Variants in CORIN observed in about 807,000 individuals in gnomAD.
CORIN encodes atrial natriuretic peptide-converting enzyme.
In CORIN, 117 loss-of-function variants were observed where a neutral mutation model predicts 125.3. The ratio of observed to expected loss-of-function variants is 0.93; its 90% CI spans 0.80 to 1.09. The LOEUF (loss-of-function observed/expected upper bound fraction) is 1.09. Among genes scored for constraint, CORIN ranks in the 50% least tolerant of loss-of-function variants. The probability of loss-of-function intolerance (pLI) is 0.00; values close to 1 mark genes in which losing one functional copy is unlikely to be tolerated. For synonymous variants in CORIN, 450 were observed against 466.4 expected (o/e 0.96, Z 0.45); for missense variants, 1,253 against 1,306.7 (o/e 0.96, Z 0.63).
At chr4:47,730,740 T>C (rs547866147) in intron 5 of CORIN, among the ~76,000 whole-genome samples, 1 of 152,350 alleles carries the variant, frequency 6.6e-6, no homozygotes, top group East Asian at 1.9e-4. Flanking sequence ...TCTCCCGCAG[T>C]TGTGCAATGC....
At chr4:47,799,916 T>C (rs1339011758) in intron 2 of CORIN, among the ~76,000 whole-genome samples, 1 of 152,090 alleles carries the variant, frequency 6.6e-6, no homozygotes, top group Non-Finnish European at 1.5e-5. Flanking sequence ...TGTTCAGCCA[T>C]TAAAAGGAAT....
In CORIN at chr4:47,744,508, A is replaced by G; in HGVS notation, c.693T>C (p.Asn231=). The change falls in exon 5 of 22, where the codon AAT becomes AAC. Residue 231 remains asparagine, a synonymous_variant. Coordinates refer to ENST00000273857, the MANE Select transcript of CORIN (RefSeq NM_006587.4). ...EGCESVLGMV[N]YSWPDFLRCS... ...ATCTGAGGAAATCCGGCCAGGAGTA[A>G]TTCACCATCCCCAGGACTGATTCAC... 1 of 1,614,054 alleles carries G rather than the reference A, an allele frequency of 6.2e-7. No homozygotes were observed. The highest frequency in any genetic ancestry group is 8.5e-7 in the Non-Finnish European group (1 of 1,179,986).
intron 1 of CORIN, among the ~76,000 whole-genome samples, chr4:47,814,153 A>G (rs1253837208): frequency 1.3e-5 from 2 of 152,170 alleles, no homozygotes; most frequent in Non-Finnish European, 2.9e-5. Context: ...CCATTTCAGC[A>G]AAGCAAGGAC....
Position 47,641,911 on chromosome 4 carries a change from T to C in CORIN, c.2198+9A>G, listed in dbSNP as rs760792402. The C allele has an allele frequency of 3.7e-6, 6 of 1,612,334 alleles. No individual in the cohort carries two copies. Among genetic ancestry groups the C allele is most frequent in the Non-Finnish European group, 4.2e-6 (5 of 1,178,990 alleles). Reference sequence around the variant, plus strand: ...GAAATTCATCAGTGCTACAAACTACTGACCTTACCCTAAACCCATCTGCTT... The same window carrying C: ...GAAATTCATCAGTGCTACAAACTACCGACCTTACCCTAAACCCATCTGCTT... On this transcript the variant is annotated intron_variant, in intron 16 of 21. Transcript: ENST00000273857.
Position 47,631,592 on chromosome 4 carries a change from T to C in CORIN, c.2199-5071A>G, listed in dbSNP as rs192303805. Among the ~76,000 whole-genome samples, 74 of 152,272 alleles carry C rather than the reference T, an allele frequency of 4.9e-4. 1 individual carries two copies. The highest frequency in any genetic ancestry group is 8.3e-4 in the South Asian group (4 of 4,828). ...TGAGTAGTATAATGATTTCATTATATATTATAATGTAATAATAATAGAAAT... is the reference window on the plus strand; with the variant it reads ...TGAGTAGTATAATGATTTCATTATACATTATAATGTAATAATAATAGAAAT... On this transcript the variant is annotated intron_variant, in intron 16 of 21. Transcript: ENST00000273857.
chr4:47,757,411 T>C (rs2109859129), intron 4 of CORIN, among the ~76,000 whole-genome samples: 1 of 152,118 alleles, frequency 6.6e-6, no homozygotes, highest in African/African-American at 2.4e-5. Context: ...CTGGCCAATA[T>C]GGTGAAACCC....
In CORIN at chr4:47,626,993, GTT is replaced by G. The variant is rs200009610; in HGVS notation, c.2199-474_2199-473del. On this transcript the variant is annotated intron_variant, in intron 16 of 21. Coordinates refer to ENST00000273857, the MANE Select transcript of CORIN (RefSeq NM_006587.4). ...GTAGGTTGTTGTTGTTGTTGTTGTT[GTT>G]TTTTTTTTGATGAAGTCTTGCTCTG... Among the ~76,000 whole-genome samples, 91 of 126,054 alleles carry G rather than the reference GTT, an allele frequency of 7.2e-4. 2 individuals carry two copies. The highest frequency in any genetic ancestry group is 1.6e-3 in the South Asian group (6 of 3,834). 82.7% of individuals were successfully genotyped at this position (126,054 alleles called of 152,430 possible).
rs1182754633 is a variant in CORIN, at chr4:47,831,056, G to T, written c.63+6831C>A. Among the ~76,000 whole-genome samples, 3 of 152,198 alleles carry T rather than the reference G, an allele frequency of 2.0e-5. No homozygotes were observed. In the East Asian group the frequency reaches 5.8e-4, roughly 29 times the overall value. ...TTCTGCCCTGCTCCTAAGCCAGCCT[G>T]TTGGCCGACTGGCCCTTCTCCACAG... On this transcript the variant is annotated intron_variant, in intron 1 of 21. Transcript: ENST00000273857.
intron 12 of CORIN, among the ~76,000 whole-genome samples, chr4:47,655,385 T>G (rs570509531): frequency 2.6e-5 from 4 of 152,108 alleles, no homozygotes; most frequent in Non-Finnish European, 5.9e-5. Context: ...GGTCTCTAAT[T>G]CTAAGCCCTG....
At chr4:47,728,832 A>G (rs1727720070) in intron 5 of CORIN, among the ~76,000 whole-genome samples, 1 of 152,206 alleles carries the variant, frequency 6.6e-6, no homozygotes, top group Non-Finnish European at 1.5e-5. Flanking sequence ...GGATCAACCT[A>G]TGATCTTGAG....
chr4:47,787,053 G>A (rs1730849095), intron 2 of CORIN, 128 bp from the exon 3 acceptor site: 2 of 696,390 alleles, frequency 2.9e-6, no homozygotes, highest in Admixed American at 5.9e-5. Flanking sequence ...TAAACACAAA[G>A]ACGAAGATGA....
intron 10 of CORIN, among the ~76,000 whole-genome samples, chr4:47,666,918 C>T (rs1335822713): frequency 6.6e-6 from 1 of 152,070 alleles, no homozygotes; most frequent in African/African-American, 2.4e-5. Flanking sequence ...TGCTAGAGTC[C>T]AAAGGGAAAA....
chr4:47,646,827 T>C (rs1367270389), intron 13 of CORIN, among the ~76,000 whole-genome samples: 1 of 152,220 alleles, frequency 6.6e-6, no homozygotes, highest in Admixed American at 6.5e-5. Context: ...AACAATGTTA[T>C]TGTTCATCTA....
intron 16 of CORIN, among the ~76,000 whole-genome samples, chr4:47,628,243 T>G (rs1722657547): frequency 6.6e-6 from 1 of 152,220 alleles, no homozygotes; most frequent in South Asian, 2.1e-4. Context: ...TGGTTGTATT[T>G]CTGCCATCGT....
chr4:47,711,689 T>A (rs981677617), intron 5 of CORIN, among the ~76,000 whole-genome samples: 2 of 152,226 alleles, frequency 1.3e-5, no homozygotes, highest in African/African-American at 4.8e-5. Context: ...TATTTTGGGA[T>A]CTCTATTGTT....
chr4:47,739,604 G>A (rs906002286), intron 5 of CORIN, among the ~76,000 whole-genome samples: 1 of 151,838 alleles, frequency 6.6e-6, no homozygotes, highest in African/African-American at 2.4e-5. Context: ...TCCATATGAA[G>A]AAATAAAAGG....
rs1721168090 is a variant in CORIN at position 47,594,235 on chromosome 4, T to C, written c.*1486A>G. The C allele has an allele frequency of 6.6e-6, 1 of 152,536 alleles. No individual in the cohort carries two copies. Among genetic ancestry groups the C allele is most frequent in the South Asian group, 2.1e-4 (1 of 4,834 alleles). 9.4% of individuals were successfully genotyped at this position (152,536 alleles called of 1,614,324 possible). On this transcript the variant is annotated 3_prime_UTR_variant, in exon 22 of 22. Coordinates refer to ENST00000273857, the MANE Select transcript of CORIN (RefSeq NM_006587.4). ...ACTGAAGGACAGGAGATGAATAGTA[T>C]AGAAATTGCTACAACTTTTTGAATT...
At chr4:47,817,256 C>T (rs1320205122) in intron 1 of CORIN, among the ~76,000 whole-genome samples, 1 of 150,082 alleles carries the variant, frequency 6.7e-6, no homozygotes, top group South Asian at 2.1e-4. Flanking sequence ...TGTATTAAGT[C>T]CTTTAAAACA....
At chr4:47,624,094 A>AT in intron 17 of CORIN, 146 bp from the exon 18 acceptor site, 3 of 685,198 alleles carry the variant, frequency 4.4e-6, no homozygotes, top group Non-Finnish European at 7.5e-6. Flanking sequence ...ACCACAGGAA[A>AT]GCACATTCCT....
Sources: allele counts gnomAD v4.1 joint callset (sites outside exome capture counted in the v4.1 genomes callset), GRCh38; gene constraint gnomAD v4.1.1; transcripts MANE v1.5; gene names NCBI Gene and HGNC (gene_info 2026-07-23, HGNC 2026-07-21).